The following ARHGAP24 variants were observed in gnomAD, a reference collection of about 807,000 sequenced individuals.
ARHGAP24 encodes rho GTPase-activating protein 24.
A neutral mutation model predicts 76.4 loss-of-function variants in ARHGAP24; 50 were observed. The observed-to-expected ratio is 0.65, with a 90% CI of 0.52 to 0.83. The LOEUF (loss-of-function observed/expected upper bound fraction) is 0.83. ARHGAP24 is among the 40% of genes least tolerant of loss of function. ARHGAP24 has a pLI of 0.00. For missense variants in ARHGAP24, 930 were observed against 914.2 expected (o/e 1.02, Z -0.22); for synonymous variants, 345 against 323.3 (o/e 1.07, Z -0.72).
chr4:85,959,296 A>G (rs1171347374), intron 5 of ARHGAP24, among the ~76,000 whole-genome samples: 1 of 152,166 alleles, frequency 6.6e-6, no homozygotes, highest in Non-Finnish European at 1.5e-5. Flanking sequence ...TCTCATTGCC[A>G]TGTTGGTTTT....
At chr4:85,969,806 C>G (rs1020210437) in intron 5 of ARHGAP24, among the ~76,000 whole-genome samples, 1 of 152,116 alleles carries the variant, frequency 6.6e-6, no homozygotes, top group Non-Finnish European at 1.5e-5. Context: ...TCTGTCTTTT[C>G]AAACAATTTT....
intron 3 of ARHGAP24, among the ~76,000 whole-genome samples, chr4:85,819,466 C>A (rs892915946): frequency 2.6e-5 from 4 of 152,056 alleles, no homozygotes; most frequent in African/African-American, 9.7e-5. Flanking sequence ...ACCTTTGTTG[C>A]TGATTCTTGG....
chr4:85,745,281 ATATATAC>A (rs1725983413), intron 3 of ARHGAP24, among the ~76,000 whole-genome samples: 1 of 149,720 alleles, frequency 6.7e-6, no homozygotes, highest in Non-Finnish European at 1.5e-5. Context: ...GTAACTACTA[ATATATAC>A]CGTAGTATAT....
chr4:85,554,458 G>A (rs541026761), intron 1 of ARHGAP24, among the ~76,000 whole-genome samples: 2 of 152,030 alleles, frequency 1.3e-5, no homozygotes, highest in African/African-American at 4.8e-5. Context: ...TATAGATTTG[G>A]TCTCTTTACA....
intron 3 of ARHGAP24, chr4:85,722,397 C>T (rs199754165): frequency 5.2e-6 from 1 of 193,474 alleles, no homozygotes; most frequent in Non-Finnish European, 1.1e-5. Flanking sequence ...AAAAAAAAAA[C>T]AAAAAACAAA....
chr4:85,824,272 G>A (rs1161868408), intron 3 of ARHGAP24, among the ~76,000 whole-genome samples: 1 of 152,164 alleles, frequency 6.6e-6, no homozygotes, highest in Admixed American at 6.6e-5. Flanking sequence ...CAGCTTATAA[G>A]TATTATCATT....
intron 4 of ARHGAP24, among the ~76,000 whole-genome samples, chr4:85,926,350 T>C (rs1736024856): frequency 6.6e-6 from 1 of 152,108 alleles, no homozygotes; most frequent in Admixed American, 6.5e-5. Flanking sequence ...TCCTGCCCTC[T>C]TTGTTTAATA....
chr4:85,491,059 A>G (rs910021927), intron 1 of ARHGAP24, among the ~76,000 whole-genome samples: 3 of 152,064 alleles, frequency 2.0e-5, no homozygotes, highest in Non-Finnish European at 2.9e-5. Flanking sequence ...TCCACCTGCA[A>G]TTGGTATTTA....
chr4:85,712,511 A>G (rs1436459420), intron 2 of ARHGAP24, among the ~76,000 whole-genome samples: 1 of 152,126 alleles, frequency 6.6e-6, no homozygotes, highest in Non-Finnish European at 1.5e-5. Context: ...GACATTTATT[A>G]TCTCCTAGAT....
At chr4:85,783,897 C>T (rs1560631146) in intron 3 of ARHGAP24, among the ~76,000 whole-genome samples, 1 of 152,120 alleles carries the variant, frequency 6.6e-6, no homozygotes, top group East Asian at 1.9e-4. Flanking sequence ...AAATTATGTC[C>T]TTTTACTTGC....
At chr4:85,828,619 C>T (rs372179012) in intron 3 of ARHGAP24, among the ~76,000 whole-genome samples, 4 of 151,910 alleles carry the variant, frequency 2.6e-5, no homozygotes, top group East Asian at 1.9e-4. Context: ...TTGTTATCCG[C>T]ATATTTGAAT....
intron 2 of ARHGAP24, among the ~76,000 whole-genome samples, chr4:85,618,667 C>T: frequency 6.6e-6 from 1 of 152,068 alleles, no homozygotes; most frequent in Non-Finnish European, 1.5e-5. Flanking sequence ...TGATAAAAGC[C>T]ATTCTAACTG....
intron 1 of ARHGAP24, among the ~76,000 whole-genome samples, chr4:85,543,265 A>G (rs1725780451): frequency 6.6e-6 from 1 of 152,234 alleles, no homozygotes; most frequent in South Asian, 2.1e-4. Flanking sequence ...TTTGGATTAT[A>G]TAAAACACAT....
At chr4:85,865,446 TTAATAATAAA>T (rs1230592863) in intron 3 of ARHGAP24, among the ~76,000 whole-genome samples, 9 of 147,764 alleles carry the variant, frequency 6.1e-5, no homozygotes, top group Admixed American at 4.8e-4. Context: ...CTATTTATTA[TTAATAATAAA>T]TAATAATAAA....
chr4:85,656,708 C>T (rs578256085), intron 2 of ARHGAP24, among the ~76,000 whole-genome samples: 2 of 152,132 alleles, frequency 1.3e-5, no homozygotes, highest in East Asian at 1.9e-4. Context: ...CCTCGTGATC[C>T]ACCCGCCTCA....
intron 3 of ARHGAP24, among the ~76,000 whole-genome samples, chr4:85,764,289 GA>G (rs1390067478): frequency 6.6e-6 from 1 of 152,036 alleles, no homozygotes; most frequent in Non-Finnish European, 1.5e-5. Flanking sequence ...GCTATAGTGT[GA>G]GGGCTCTCGT....
chr4:85,839,039 T>C (rs969491955), intron 3 of ARHGAP24, among the ~76,000 whole-genome samples: 1 of 152,210 alleles, frequency 6.6e-6, no homozygotes, highest in Non-Finnish European at 1.5e-5. Context: ...TTACCTTAGA[T>C]GGCATCTAAT....
At chr4:85,888,538 C>A in intron 3 of ARHGAP24, among the ~76,000 whole-genome samples, 1 of 151,920 alleles carries the variant, frequency 6.6e-6, no homozygotes, top group East Asian at 1.9e-4. Context: ...AGTTTAAACT[C>A]TGTTTGTTTG....
intron 2 of ARHGAP24, among the ~76,000 whole-genome samples, chr4:85,720,835 G>A (rs1432773067): frequency 6.6e-6 from 1 of 152,174 alleles, no homozygotes; most frequent in African/African-American, 2.4e-5. Context: ...CAAGGAAAGA[G>A]TGGTCAATAG....
Sources: allele counts gnomAD v4.1 joint callset (sites outside exome capture counted in the v4.1 genomes callset), GRCh38; gene constraint gnomAD v4.1.1; transcripts MANE v1.5; gene names NCBI Gene and HGNC (gene_info 2026-07-23, HGNC 2026-07-21).